CLEC16A: variants seen among roughly 807,000 people sequenced by gnomAD.
CLEC16A encodes protein CLEC16A.
A neutral mutation model predicts 109.5 loss-of-function variants in CLEC16A; 51 were observed. That is an observed-to-expected ratio of 0.47 (90% CI 0.37 to 0.59). The LOEUF is 0.59. Ranked by LOEUF, CLEC16A falls within the 20% of genes least tolerant of loss-of-function variation. CLEC16A has a pLI of 0.00. For missense variants in CLEC16A, 1,339 were observed against 1,394.0 expected (o/e 0.96, Z 0.63); for synonymous variants, 673 against 564.2 (o/e 1.19, Z -2.73).
chr16:11,097,212 G>A (rs757752439), intron 19 of CLEC16A, among the ~76,000 whole-genome samples: 2 of 152,198 alleles, frequency 1.3e-5, no homozygotes, highest in Non-Finnish European at 2.9e-5. Context: ...CAATTGCCAA[G>A]TTGCCCTCCA....
At chr16:11,143,504 T>G (rs1003554132) in intron 22 of CLEC16A, among the ~76,000 whole-genome samples, 1 of 152,316 alleles carries the variant, frequency 6.6e-6, no homozygotes, top group Non-Finnish European at 1.5e-5. Flanking sequence ...GCAGTTTCCC[T>G]TAGCACCCTC....
chr16:11,103,348 G>A (rs2051033088), intron 19 of CLEC16A, among the ~76,000 whole-genome samples: 1 of 152,204 alleles, frequency 6.6e-6, no homozygotes, highest in Admixed American at 6.5e-5. Flanking sequence ...GGGAGGCTGA[G>A]GTGGGCGGAT....
At chr16:10,997,037 C>CT (rs1282992492) in intron 10 of CLEC16A, among the ~76,000 whole-genome samples, 2 of 152,246 alleles carry the variant, frequency 1.3e-5, no homozygotes, top group African/African-American at 4.8e-5. Context: ...CCACAGCTCA[C>CT]TGCAGCCTCA....
chr16:11,094,393 CG>C (rs1350076428), intron 19 of CLEC16A, among the ~76,000 whole-genome samples: 2 of 152,194 alleles, frequency 1.3e-5, no homozygotes, highest in Non-Finnish European at 2.9e-5. Context: ...AAGCCAGAGC[CG>C]GCTTCATCTA....
At chr16:11,029,529 C>G (rs940711348) in intron 13 of CLEC16A, among the ~76,000 whole-genome samples, 2 of 152,202 alleles carry the variant, frequency 1.3e-5, no homozygotes, top group Non-Finnish European at 2.9e-5. Context: ...CCCGGATACT[C>G]TCACTGGACA....
chr16:10,955,181 G>C (rs532345184), intron 1 of CLEC16A, among the ~76,000 whole-genome samples: 8 of 152,224 alleles, frequency 5.3e-5, no homozygotes, highest in Non-Finnish European at 2.9e-5. Context: ...CTCTTCACCA[G>C]AGCTCTGTGC....
intron 19 of CLEC16A, among the ~76,000 whole-genome samples, chr16:11,102,832 A>G (rs1274453705): frequency 2.6e-5 from 4 of 152,210 alleles, no homozygotes; most frequent in Non-Finnish European, 4.4e-5. Context: ...TACAAACATC[A>G]TTGAGTTTTC....
At chr16:11,115,668 C>T (rs528367993) in intron 19 of CLEC16A, among the ~76,000 whole-genome samples, 18 of 152,224 alleles carry the variant, frequency 1.2e-4, no homozygotes, top group South Asian at 2.1e-4. Context: ...CCACCACGCC[C>T]GGCCTGTTTT....
At position 11,024,871 on chromosome 16, in the gene CLEC16A, A is replaced by C; in HGVS notation, c.1487A>C (p.Tyr496Ser). The C allele has an allele frequency of 1.9e-6, 3 of 1,610,304 alleles. No individual in the cohort carries two copies. The highest frequency in any genetic ancestry group is 1.1e-5 in the South Asian group (1 of 89,912). ...YHALDSPDDD[Y>S]HALFVLCLLY... is the part of the protein sequence containing the mutation. ...GCGCTGGACAGCCCGGATGATGATT[A>C]CCATGCCCTGTTCGTGCTCTGCCTC... Residue 496 changes from tyrosine to serine, a missense_variant, in exon 13 of 24, where the codon TAC becomes TCC. Around this residue, in one of 3 missense-constraint regions of CLEC16A, gnomAD observed 1,061 missense variants for 1,006.8 expected, o/e 1.05. Coordinates refer to ENST00000409790, the MANE Select transcript of CLEC16A (RefSeq NM_015226.3).
chr16:11,040,013 C>G, intron 14 of CLEC16A, 137 bp downstream of exon 14: 4 of 1,080,226 alleles, frequency 3.7e-6, no homozygotes, highest in South Asian at 3.4e-5. Context: ...CTCTGCCTCT[C>G]AACCCCTGCA....
chr16:11,150,651 C>T (rs756795065), intron 22 of CLEC16A, among the ~76,000 whole-genome samples: 37 of 152,188 alleles, frequency 2.4e-4, no homozygotes, highest in Non-Finnish European at 7.4e-5. Context: ...TTGATGACTG[C>T]ATAATAGTCC....
intron 1 of CLEC16A, among the ~76,000 whole-genome samples, chr16:10,956,708 G>C (rs2042005625): frequency 6.6e-6 from 1 of 152,216 alleles, no homozygotes; most frequent in Non-Finnish European, 1.5e-5. Flanking sequence ...TTGAGGACTG[G>C]AAGGTGTCTA....
At chr16:11,040,088 A>C in intron 14 of CLEC16A, 1 of 500,346 alleles carries the variant, frequency 2.0e-6, no homozygotes, top group Non-Finnish European at 3.4e-6. Flanking sequence ...TTGCCATCCC[A>C]TCCCCTGCCA....
rs943483874 is a variant in CLEC16A, at chr16:11,178,521, C to T, written c.2993C>T (p.Thr998Met). Reference protein sequence around the residue: ...QPTISLLCEDTADTLSVESLT... With the variant: ...QPTISLLCEDMADTLSVESLT... Reference sequence around the variant, plus strand: ...ACCATTTCCCTGCTCTGCGAGGACACGGCTGACACGCTGAGCGTCGAATCG... The same window carrying T: ...ACCATTTCCCTGCTCTGCGAGGACATGGCTGACACGCTGAGCGTCGAATCG... Residue 998 changes from threonine (T) to methionine (M), a missense_variant, in exon 24 of 24, where the codon ACG becomes ATG. Transcript: ENST00000409790. This position sits in a 1 kb window ranked among gnomAD's most constrained non-coding sequence, Gnocchi z 6.5. 9.3e-6 allele frequency: 15 copies of T among 1,613,274 alleles called. No individual in the cohort carries two copies. The highest frequency in any genetic ancestry group is 5.3e-5 in the African/African-American group (4 of 74,942).
chr16:11,130,424 C>T (rs530055156), intron 22 of CLEC16A, among the ~76,000 whole-genome samples: 6 of 152,182 alleles, frequency 3.9e-5, no homozygotes, highest in African/African-American at 1.4e-4. Flanking sequence ...AAGCAGCATC[C>T]CTCGGCTAAA....
Position 11,125,974 on chromosome 16 carries a change from C to G in CLEC16A, c.2474-5C>G. 1 of 1,470,468 alleles carries G rather than the reference C, an allele frequency of 6.8e-7. No individual in the cohort carries two copies. The highest frequency in any genetic ancestry group is 9.2e-7 in the Non-Finnish European group (1 of 1,091,250). The allele number at this position is 1,470,468 out of a possible 1,614,324, so 91.1% of individuals were successfully genotyped here. Reference sequence around the variant, plus strand: ...AGAGTGAACCATGCTATTGTTTGACCGTAGCCCTCCTGGACCTCCCAATCC... The same window carrying G: ...AGAGTGAACCATGCTATTGTTTGACGGTAGCCCTCCTGGACCTCCCAATCC... On this transcript the variant is annotated splice_polypyrimidine_tract_variant and splice_region_variant and intron_variant, in intron 21 of 23. Coordinates refer to ENST00000409790, the MANE Select transcript of CLEC16A (RefSeq NM_015226.3).
intron 19 of CLEC16A, among the ~76,000 whole-genome samples, chr16:11,084,961 A>T (rs1000577080): frequency 6.6e-6 from 1 of 152,262 alleles, no homozygotes; most frequent in Non-Finnish European, 1.5e-5. Flanking sequence ...CTCACGGCCC[A>T]TGAGGGCCCT....
intron 22 of CLEC16A, among the ~76,000 whole-genome samples, chr16:11,127,246 G>A (rs1352625697): frequency 1.3e-5 from 2 of 152,190 alleles, no homozygotes; most frequent in East Asian, 3.8e-4. Context: ...TTAATAGAAA[G>A]TGTCACACAT....
chr16:11,004,105 T>A (rs575665281), intron 11 of CLEC16A, among the ~76,000 whole-genome samples: 1 of 152,352 alleles, frequency 6.6e-6, no homozygotes, highest in South Asian at 2.1e-4. Context: ...AGTACGTATG[T>A]GCTCTGTAAG....
Sources: allele counts gnomAD v4.1 joint callset (sites outside exome capture counted in the v4.1 genomes callset), GRCh38; gene constraint gnomAD v4.1.1; regional missense constraint gnomAD v4.1.1; non-coding constraint Gnocchi (gnomAD v3.1); transcripts MANE v1.5; gene names NCBI Gene and HGNC (gene_info 2026-07-23, HGNC 2026-07-21).